The following PDE6A variants were observed in gnomAD, a reference collection of about 807,000 sequenced individuals.
PDE6A encodes the protein phosphodiesterase 6A.
A neutral mutation model predicts 106.3 loss-of-function variants in PDE6A; 84 were observed. The ratio of observed to expected loss-of-function variants is 0.79; its 90% CI spans 0.66 to 0.95. The LOEUF (loss-of-function observed/expected upper bound fraction) is 0.95, where lower values mean the gene tolerates loss of function less well. PDE6A is among the 40% of genes least tolerant of loss of function. The probability of loss-of-function intolerance (pLI) is 0.00; values close to 1 mark genes in which losing one functional copy is unlikely to be tolerated. For synonymous variants in PDE6A, 394 were observed against 386.6 expected, an observed-to-expected ratio of 1.02 and a Z score of -0.23; for missense variants, 1,052 against 1,084.9, an observed-to-expected ratio of 0.97 and a Z score of 0.43.
At chr5:149,906,763 T>C (rs1041056398) in intron 7 of PDE6A, among the ~76,000 whole-genome samples, 4 of 151,782 alleles carry the variant, frequency 2.6e-5, no homozygotes, top group Non-Finnish European at 4.4e-5. Context: ...CCTTTTTATT[T>C]TGTTTTATTT....
chr5:149,867,011 C>T (rs573023297), intron 19 of PDE6A: 12 of 156,336 alleles, frequency 7.7e-5, no homozygotes, highest in African/African-American at 2.9e-4. Flanking sequence ...ATGACAGGAC[C>T]TGCTCCTCCC....
intron 3 of PDE6A, 53 bp from the exon 4 acceptor site, chr5:149,931,221 C>T: frequency 9.8e-6 from 15 of 1,538,156 alleles, no homozygotes; most frequent in Non-Finnish European, 1.3e-5. Flanking sequence ...AGTAGTAGCT[C>T]ACTTAGCTGG....
chr5:149,933,268 C>T (rs1225036575), intron 3 of PDE6A, among the ~76,000 whole-genome samples: 1 of 152,154 alleles, frequency 6.6e-6, no homozygotes, highest in African/African-American at 2.4e-5. Context: ...TTACCCAGCC[C>T]ATTATCATCC....
intron 14 of PDE6A, 92 bp downstream of exon 14, chr5:149,886,173 A>C: frequency 1.1e-6 from 1 of 934,122 alleles, no homozygotes; most frequent in Admixed American, 1.8e-5. Flanking sequence ...GGACCACAAG[A>C]CTTCCCTGTT....
intron 1 of PDE6A, among the ~76,000 whole-genome samples, chr5:149,938,368 T>G (rs1005720239): frequency 6.6e-6 from 1 of 151,852 alleles, no homozygotes; most frequent in Non-Finnish European, 1.5e-5. Flanking sequence ...TGTGAGAGGG[T>G]CTACAAATGA....
chr5:149,903,176 A>AAAC (rs202170344), intron 8 of PDE6A, among the ~76,000 whole-genome samples: 3 of 149,446 alleles, frequency 2.0e-5, no homozygotes, highest in Non-Finnish European at 4.5e-5. Context: ...AAACAAAAGA[A>AAAC]AACAACAACA....
At chr5:149,870,585 G>A (rs1326915496) in intron 17 of PDE6A, among the ~76,000 whole-genome samples, 1 of 152,104 alleles carries the variant, frequency 6.6e-6, no homozygotes, top group African/African-American at 2.4e-5. Flanking sequence ...TTTGCTGTGT[G>A]CATGGGATGA....
chr5:149,933,938 G>T lies in PDE6A; in HGVS notation c.709C>A (p.Arg237Ser). The change falls in exon 3 of 22, where the codon CGT becomes AGT. Residue 237 changes from arginine (R) to serine (S), a missense_variant. By Grantham distance (110) the Arg-to-Ser change is moderately radical. Coordinates refer to ENST00000255266, the MANE Select transcript of PDE6A (RefSeq NM_000440.3). ...LSYLHNCETRRGQILLWSGSK... is the reference protein window; with the variant it reads ...LSYLHNCETRSGQILLWSGSK... The stretch of plus-strand genomic sequence containing the variant: ...TGGCCCAAGCCCCTTACCTGGCCAC[G>T]TCGAGTTTCACAGTTGTGCAGGTAA... The T allele has an allele frequency of 1.2e-6, 2 of 1,612,546 alleles. No individual in the cohort carries two copies. Among genetic ancestry groups the T allele is most frequent in the Non-Finnish European group, 1.7e-6 (2 of 1,178,712 alleles).
At chr5:149,899,846 A>G (rs889662605) in intron 8 of PDE6A, among the ~76,000 whole-genome samples, 2 of 152,206 alleles carry the variant, frequency 1.3e-5, no homozygotes, top group Non-Finnish European at 2.9e-5. Context: ...TATGGGAGGC[A>G]GTGGCAGGGG....
chr5:149,869,127 C>T (rs1760441994), intron 17 of PDE6A, among the ~76,000 whole-genome samples: 1 of 152,084 alleles, frequency 6.6e-6, no homozygotes, highest in Non-Finnish European at 1.5e-5. Flanking sequence ...GTCTGGAGTT[C>T]AAGACCAGCC....
At chr5:149,875,484 AC>A (rs1561691445) in intron 17 of PDE6A, among the ~76,000 whole-genome samples, 18 of 144,522 alleles carry the variant, frequency 1.2e-4, no homozygotes, top group African/African-American at 3.9e-4. Context: ...ATACATACTG[AC>A]TATTTTTTTT....
chr5:149,878,136 C>T (rs764312156), intron 17 of PDE6A, among the ~76,000 whole-genome samples: 1 of 152,106 alleles, frequency 6.6e-6, no homozygotes, highest in African/African-American at 2.4e-5. Context: ...GCTTCTTTCT[C>T]AGGAAGATTA....
chr5:149,920,942 A>AAAGAAAGAAAGAAAGAAAG (rs1554091210), intron 5 of PDE6A, among the ~76,000 whole-genome samples: 33 of 108,348 alleles, frequency 3.0e-4, no homozygotes, highest in South Asian at 3.3e-4. Context: ...GAAAGAGAGA[A>AAAGAAAGAAAGAAAGAAAG]AAAGAAAGAA....
At position 149,860,989 on chromosome 5, in the gene PDE6A, A is replaced by G; in HGVS notation, c.2507-18T>C. On this transcript the variant is annotated intron_variant, in intron 21 of 21. Transcript: ENST00000255266. ...TGCGGCTGCTGCAATGAAACAGGAA[A>G]AAGAACACACCAGGTGACAAGAGGC... The G allele has an allele frequency of 4.3e-6, 7 of 1,612,294 alleles. No homozygotes were observed. The highest frequency in any genetic ancestry group is 2.2e-5 in the East Asian group (1 of 44,842).
chr5:149,944,099 C>T (rs1221286050), intron 1 of PDE6A, 101 bp downstream of exon 1: 1 of 828,240 alleles, frequency 1.2e-6, no homozygotes, highest in African/African-American at 1.7e-5. Context: ...ACCATGTTGT[C>T]ACCAGCCTTG....
intron 4 of PDE6A, among the ~76,000 whole-genome samples, chr5:149,924,097 C>T (rs1753809905): frequency 6.6e-6 from 1 of 152,138 alleles, no homozygotes; most frequent in Non-Finnish European, 1.5e-5. Context: ...TATAACCAGG[C>T]CCTACCTGAG....
chr5:149,902,771 G>A (rs1266616100), intron 8 of PDE6A, among the ~76,000 whole-genome samples: 17 of 150,912 alleles, frequency 1.1e-4, no homozygotes, highest in African/African-American at 4.1e-4. Context: ...GCAGTGAGCC[G>A]AGATCACGCC....
At chr5:149,923,225 C>T (rs551052383) in intron 4 of PDE6A, among the ~76,000 whole-genome samples, 7 of 152,120 alleles carry the variant, frequency 4.6e-5, no homozygotes, top group African/African-American at 9.6e-5. Flanking sequence ...AGGTCGGGCA[C>T]GGTGGCTCAC....
At chr5:149,911,518 G>A (rs577548019) in intron 6 of PDE6A, among the ~76,000 whole-genome samples, 15 of 152,148 alleles carry the variant, frequency 9.9e-5, no homozygotes, top group East Asian at 7.7e-4. Context: ...GGTTATGACC[G>A]AGTTCACACC....
Sources: allele counts gnomAD v4.1 joint callset (sites outside exome capture counted in the v4.1 genomes callset), GRCh38; gene constraint gnomAD v4.1.1; transcripts MANE v1.5; gene names NCBI Gene and HGNC (gene_info 2026-07-23, HGNC 2026-07-21).